PCCA: variants seen among roughly 807,000 people sequenced by gnomAD.
The protein encoded by PCCA is propionyl-CoA carboxylase subunit alpha.
In PCCA, 74 loss-of-function variants were observed where a neutral mutation model predicts 101.3. The observed-to-expected ratio is 0.73, with a 90% CI of 0.61 to 0.89. PCCA has a LOEUF of 0.89. PCCA is among the 40% of genes least tolerant of loss of function. The probability of loss-of-function intolerance (pLI) is 0.00; values close to 1 mark genes in which losing one functional copy is unlikely to be tolerated. For synonymous variants in PCCA, 294 were observed against 313.6 expected, an observed-to-expected ratio of 0.94 and a Z score of 0.66; for missense variants, 891 against 907.0, an observed-to-expected ratio of 0.98 and a Z score of 0.23.
intron 21 of PCCA, among the ~76,000 whole-genome samples, chr13:100,504,046 G>A (rs2085886191): frequency 6.6e-6 from 1 of 152,240 alleles, no homozygotes; most frequent in South Asian, 2.1e-4. Flanking sequence ...GGGATTAGAT[G>A]TGAGAGGGTG....
intron 6 of PCCA, among the ~76,000 whole-genome samples, chr13:100,173,005 T>C (rs2055859246): frequency 6.6e-6 from 1 of 152,216 alleles, no homozygotes; most frequent in Non-Finnish European, 1.5e-5. Flanking sequence ...TCAGCTCTTT[T>C]TTTTTTACCC....
intron 21 of PCCA, among the ~76,000 whole-genome samples, chr13:100,492,743 A>G (rs571612977): frequency 4.6e-5 from 7 of 150,926 alleles, no homozygotes; most frequent in African/African-American, 1.7e-4. Flanking sequence ...CACAAGCAGA[A>G]GAGTGGCAGA....
chr13:100,504,062 G>A (rs1368588299), intron 21 of PCCA, among the ~76,000 whole-genome samples: 4 of 152,194 alleles, frequency 2.6e-5, no homozygotes. Context: ...GGGTGGATTA[G>A]TAAATTGTTT....
intron 4 of PCCA, among the ~76,000 whole-genome samples, chr13:100,117,307 G>T (rs2048883040): frequency 2.0e-5 from 3 of 151,696 alleles, no homozygotes; most frequent in South Asian, 4.2e-4. Context: ...CCAGTATATT[G>T]GTATCAGTTT....
At chr13:100,450,084 T>C (rs1486238396) in intron 21 of PCCA, among the ~76,000 whole-genome samples, 1 of 152,200 alleles carries the variant, frequency 6.6e-6, no homozygotes, top group Non-Finnish European at 1.5e-5. Flanking sequence ...ACTAATTTGT[T>C]TAAAAAGGTA....
intron 18 of PCCA, among the ~76,000 whole-genome samples, chr13:100,363,782 TC>T (rs570025792): frequency 1.9e-4 from 29 of 152,318 alleles, no homozygotes; most frequent in African/African-American, 6.7e-4. Context: ...ATGCTTATAA[TC>T]CTTTCTAACT....
chr13:100,451,059 C>T lies in PCCA; in HGVS notation c.1899+1754C>T, dbSNP rs140773411. ...TGAGCAGGCTGGAGACCCAGGGGAG[C>T]GTTGCAGTTCAAGTCCAAAGACAGT... is the stretch of plus-strand genomic sequence containing the variant. On this transcript the variant is annotated intron_variant, in intron 21 of 23. Coordinates refer to ENST00000376285, the MANE Select transcript of PCCA (RefSeq NM_000282.4). 1.6e-3 allele frequency among the ~76,000 whole-genome samples: 245 copies of T among 152,238 alleles called. 3 individuals carry two copies. The highest frequency in any genetic ancestry group is 5.6e-3 in the African/African-American group (233 of 41,530).
intron 20 of PCCA, among the ~76,000 whole-genome samples, chr13:100,435,562 A>G (rs551434805): frequency 1.3e-5 from 2 of 152,348 alleles, no homozygotes; most frequent in South Asian, 2.1e-4. Flanking sequence ...GGTAAACTTC[A>G]TAAGTTTAAT....
chr13:100,524,731 G>A (rs1173213935), intron 22 of PCCA, among the ~76,000 whole-genome samples: 1 of 152,056 alleles, frequency 6.6e-6, no homozygotes, highest in Non-Finnish European at 1.5e-5. Context: ...AATTAGCTGG[G>A]CGTGGTGGTG....
intron 21 of PCCA, among the ~76,000 whole-genome samples, chr13:100,459,611 C>A (rs1330667189): frequency 6.6e-6 from 1 of 152,160 alleles, no homozygotes; most frequent in Non-Finnish European, 1.5e-5. Context: ...AAACAGGATG[C>A]AAAACCAGCC....
At chr13:100,116,923 A>T (rs1170685965) in intron 4 of PCCA, among the ~76,000 whole-genome samples, 2 of 152,202 alleles carry the variant, frequency 1.3e-5, no homozygotes, top group East Asian at 3.8e-4. Flanking sequence ...AGAGCTGTGC[A>T]AAAACAGCCC....
chr13:100,301,681 T>G, intron 13 of PCCA, 78 bp downstream of exon 13: 1 of 1,497,418 alleles, frequency 6.7e-7, no homozygotes, highest in Non-Finnish European at 9.3e-7. Context: ...AACAATGAGG[T>G]AAAGTTAGGG....
chr13:100,450,641 G>A (rs762430938), intron 21 of PCCA, among the ~76,000 whole-genome samples: 10 of 152,058 alleles, frequency 6.6e-5, no homozygotes, highest in South Asian at 2.1e-4. Flanking sequence ...GAGAGCTTGC[G>A]TGAAAAAGGG....
At chr13:100,527,491 G>T (rs2087942928) in intron 22 of PCCA, 184 bp from the exon 23 acceptor site, 1 of 643,082 alleles carries the variant, frequency 1.6e-6, no homozygotes, top group East Asian at 2.9e-5. Context: ...TTATGAGAGA[G>T]AGAATGGCTT....
At chr13:100,389,284 G>C (rs1028783808) in intron 19 of PCCA, among the ~76,000 whole-genome samples, 4 of 152,160 alleles carry the variant, frequency 2.6e-5, no homozygotes, top group East Asian at 1.9e-4. Flanking sequence ...GTCAGAGTTT[G>C]AAGGCCTACA....
At chr13:100,275,347 T>G (rs1022529544) in intron 12 of PCCA, among the ~76,000 whole-genome samples, 1 of 152,176 alleles carries the variant, frequency 6.6e-6, no homozygotes, top group Non-Finnish European at 1.5e-5. Context: ...CCTTGTGTCC[T>G]TGAACTTTGA....
intron 21 of PCCA, among the ~76,000 whole-genome samples, chr13:100,513,101 C>G (rs2086601390): frequency 6.6e-6 from 1 of 152,238 alleles, no homozygotes; most frequent in African/African-American, 2.4e-5. Context: ...GGGCCCCATC[C>G]CGGCACGCGC....
intron 12 of PCCA, among the ~76,000 whole-genome samples, chr13:100,295,529 A>T (rs956670413): frequency 6.6e-6 from 1 of 152,238 alleles, no homozygotes; most frequent in African/African-American, 2.4e-5. Flanking sequence ...GATAACAAAA[A>T]ATTTCAGCAT....
At chr13:100,402,610 A>G (rs1299732127) in intron 19 of PCCA, among the ~76,000 whole-genome samples, 1 of 152,142 alleles carries the variant, frequency 6.6e-6, no homozygotes. Flanking sequence ...TAATACAGTA[A>G]TGATTGTAAT....
Sources: gnomAD v4.1 joint callset for allele counts (sites outside exome capture counted in the v4.1 genomes callset) on GRCh38, gnomAD v4.1.1 for gene constraint, MANE v1.5 for transcripts, NCBI Gene and HGNC (gene_info 2026-07-23, HGNC 2026-07-21) for gene names.